CLMP: variants seen among roughly 807,000 people sequenced by gnomAD.
CLMP encodes the protein CXADR-like membrane protein.
In CLMP, 27 loss-of-function variants were observed where a neutral mutation model predicts 45.2. The observed-to-expected ratio is 0.60, with a 90% CI of 0.44 to 0.82. The LOEUF (loss-of-function observed/expected upper bound fraction) is 0.82. CLMP is among the 40% of genes least tolerant of loss of function. CLMP has a pLI of 0.00. For synonymous variants in CLMP, 167 were observed against 171.4 expected (o/e 0.97, Z 0.20); for missense variants, 403 against 448.4 (o/e 0.90, Z 0.91).
intron 1 of CLMP, among the ~76,000 whole-genome samples, chr11:123,134,273 A>G (rs1188572611): frequency 3.3e-5 from 5 of 151,132 alleles, no homozygotes; most frequent in African/African-American, 2.4e-5. Context: ...AAAAAAAAGT[A>G]TGCTTTTCTC....
rs545663975 is a variant in CLMP at position 123,108,829 on chromosome 11, G to A, written c.29-10877C>T. On this transcript the variant is annotated intron_variant, in intron 1 of 6. Transcript: ENST00000448775. Reference sequence around the variant, plus strand: ...AGCACTTTGGGAGGCTGAGGCGGGCGGATCACCTGAGGTCGGGAGTTCGAG... The same window carrying A: ...AGCACTTTGGGAGGCTGAGGCGGGCAGATCACCTGAGGTCGGGAGTTCGAG... Among the ~76,000 whole-genome samples the A allele has an allele frequency of 5.3e-5, 8 of 152,134 alleles. No individual in the cohort carries two copies. The South Asian group carries it at 1.0e-3, about 20-fold the overall frequency.
At chr11:123,112,342 T>C (rs183511241) in intron 1 of CLMP, among the ~76,000 whole-genome samples, 2,714 of 150,680 alleles carry the variant, frequency 0.018, 84 homozygotes, top group African/African-American at 0.061. Context: ...CTTTTTCTTT[T>C]TTTTTTTTTT....
At chr11:123,090,359 T>C (rs1020744933) in intron 2 of CLMP, among the ~76,000 whole-genome samples, 32 of 150,248 alleles carry the variant, frequency 2.1e-4, no homozygotes, top group African/African-American at 6.4e-4. Context: ...GAGGTGGAGG[T>C]TGCGGTGAGC....
At chr11:123,086,126 G>C (rs1276615167) in intron 2 of CLMP, among the ~76,000 whole-genome samples, 1 of 151,768 alleles carries the variant, frequency 6.6e-6, no homozygotes, top group Non-Finnish European at 1.5e-5. Flanking sequence ...TGGCCAGGCT[G>C]GTCTCAAAGT....
chr11:123,084,435 A>ACCG (rs111701795), intron 3 of CLMP, 77 bp downstream of exon 3: 50,204 of 1,176,526 alleles, frequency 0.043, 3,015 homozygotes, highest in African/African-American at 0.23. Context: ...GTTTTGTACC[A>ACCG]CCGTGATGCA....
chr11:123,106,576 T>C lies in CLMP; in HGVS notation c.29-8624A>G, dbSNP rs528179293. On this transcript the variant is annotated intron_variant, in intron 1 of 6. Coordinates refer to ENST00000448775, the MANE Select transcript of CLMP (RefSeq NM_024769.5). ...GTGGCTGTAAGACCAATTAATTCCC[T>C]GATTGCTCCAAGTTGTTTACTTTTC... is the stretch of plus-strand genomic sequence containing the variant. 1.0e-3 allele frequency among the ~76,000 whole-genome samples: 154 copies of C among 152,280 alleles called. 1 individual carries two copies. Among genetic ancestry groups the C allele is most frequent in the African/African-American group, 3.5e-3 (144 of 41,570 alleles).
chr11:123,114,462 T>TCTCCCTCCCTC (rs1565386407), intron 1 of CLMP, among the ~76,000 whole-genome samples: 1 of 123,610 alleles, frequency 8.1e-6, no homozygotes, highest in Non-Finnish European at 1.7e-5. Context: ...CTCCCTCCCT[T>TCTCCCTCCCTC]CCTTCCTTCC....
chr11:123,082,593 G>A (rs117282560), intron 5 of CLMP, among the ~76,000 whole-genome samples: 3,119 of 149,560 alleles, frequency 0.021, 97 homozygotes, highest in East Asian at 0.18. Flanking sequence ...GAGCCGCCAC[G>A]CTGGGCTGGT....
intron 1 of CLMP, among the ~76,000 whole-genome samples, chr11:123,129,379 A>T (rs1231436697): frequency 1.4e-5 from 2 of 141,404 alleles, no homozygotes; most frequent in Admixed American, 7.5e-5. Context: ...TAAAATATAT[A>T]TCATATGATA....
intron 1 of CLMP, among the ~76,000 whole-genome samples, chr11:123,121,053 G>A (rs1329551026): frequency 2.7e-5 from 4 of 150,828 alleles, no homozygotes; most frequent in African/African-American, 7.3e-5. Context: ...ACATGAATCT[G>A]GAGGTGAAGC....
intron 1 of CLMP, among the ~76,000 whole-genome samples, chr11:123,155,498 A>G (rs878895247): frequency 1.3e-5 from 2 of 152,202 alleles, no homozygotes; most frequent in Admixed American, 6.5e-5. Flanking sequence ...ACTTACGCCC[A>G]TCGTGTGAGG....
At chr11:123,164,581 G>T (rs1021912883) in intron 1 of CLMP, among the ~76,000 whole-genome samples, 2 of 151,998 alleles carry the variant, frequency 1.3e-5, no homozygotes, top group Non-Finnish European at 2.9e-5. Flanking sequence ...TGGAGTTAAA[G>T]ATGTGAGCCA....
intron 1 of CLMP, among the ~76,000 whole-genome samples, chr11:123,146,874 C>T (rs1354487473): frequency 6.6e-6 from 1 of 152,152 alleles, no homozygotes; most frequent in Non-Finnish European, 1.5e-5. Context: ...GCTGTGCCTC[C>T]TGCATCACTT....
chr11:123,128,328 G>A (rs1435472870), intron 1 of CLMP, among the ~76,000 whole-genome samples: 1 of 151,572 alleles, frequency 6.6e-6, no homozygotes, highest in Non-Finnish European at 1.5e-5. Flanking sequence ...CGGGCATGGT[G>A]GCTCAGGCCT....
At chr11:123,135,336 G>A (rs961279975) in intron 1 of CLMP, among the ~76,000 whole-genome samples, 12 of 147,240 alleles carry the variant, frequency 8.1e-5, no homozygotes, top group Admixed American at 1.4e-4. Context: ...TTAAAAAAAA[G>A]GTGGGGGGAG....
At chr11:123,143,651 C>T (rs2135519126) in intron 1 of CLMP, among the ~76,000 whole-genome samples, 1 of 152,318 alleles carries the variant, frequency 6.6e-6, no homozygotes, top group South Asian at 2.1e-4. Flanking sequence ...GGTGGAAGTA[C>T]GTCCTCACAT....
At chr11:123,101,903 G>T (rs1866066394) in intron 1 of CLMP, among the ~76,000 whole-genome samples, 1 of 152,190 alleles carries the variant, frequency 6.6e-6, no homozygotes, top group African/African-American at 2.4e-5. Context: ...CAACTTCCAG[G>T]CCGGGTGCGG....
Position 123,160,600 on chromosome 11 carries a change from G to C in CLMP, c.28+34313C>G, listed in dbSNP as rs74536964. 3.4e-3 allele frequency among the ~76,000 whole-genome samples: 521 copies of C among 152,244 alleles called. 11 individuals carry two copies. The East Asian group carries it at 0.051, about 15-fold the overall frequency. On this transcript the variant is annotated intron_variant, in intron 1 of 6. Transcript: ENST00000448775. The stretch of plus-strand genomic sequence containing the variant: ...CTCTGATTGACTTGTTTTCTAAGAT[G>C]TATAATAGCTTAGTCCTATTTCCAT...
At chr11:123,122,279 G>A (rs1242213259) in intron 1 of CLMP, among the ~76,000 whole-genome samples, 1 of 152,144 alleles carries the variant, frequency 6.6e-6, no homozygotes, top group Non-Finnish European at 1.5e-5. Flanking sequence ...TCCTAGTACT[G>A]GGATTACAGG....
Sources: allele counts gnomAD v4.1 joint callset (sites outside exome capture counted in the v4.1 genomes callset), GRCh38; gene constraint gnomAD v4.1.1; transcripts MANE v1.5; gene names NCBI Gene and HGNC (gene_info 2026-07-23, HGNC 2026-07-21).